NPC1: variants seen among roughly 807,000 people sequenced by gnomAD.
The protein encoded by NPC1 is NPC intracellular cholesterol transporter 1.
A neutral mutation model predicts 140.4 loss-of-function variants in NPC1; 85 were observed. That is an observed-to-expected ratio of 0.61 (90% confidence interval 0.51 to 0.72). The LOEUF (loss-of-function observed/expected upper bound fraction) is 0.72. Among genes scored for constraint, NPC1 ranks in the 30% least tolerant of loss-of-function variants. The pLI, the probability that NPC1 is intolerant of heterozygous loss-of-function variation, is 0.00. For missense variants in NPC1, 1,504 were observed against 1,623.8 expected, an observed-to-expected ratio of 0.93 and a Z score of 1.27; for synonymous variants, 656 against 624.8, an observed-to-expected ratio of 1.05 and a Z score of -0.74.
At chr18:23,538,929 G>C (rs1323197141) in intron 19 of NPC1, 1 of 512,006 alleles carries the variant, frequency 2.0e-6, no homozygotes, top group East Asian at 3.7e-5. Flanking sequence ...CCTCCTTCAA[G>C]TATGGCCTTG....
intron 4 of NPC1, among the ~76,000 whole-genome samples, chr18:23,567,182 T>C (rs1324612820): frequency 6.6e-6 from 1 of 152,226 alleles, no homozygotes; most frequent in East Asian, 1.9e-4. Flanking sequence ...TTTTAACTCA[T>C]TTGGGTAAAT....
chr18:23,548,325 C>CA (rs1668416321), intron 10 of NPC1, among the ~76,000 whole-genome samples: 2 of 148,112 alleles, frequency 1.4e-5, no homozygotes, highest in Non-Finnish European at 3.0e-5. Context: ...GGTTATCATT[C>CA]AGGAAGAGTA....
intron 9 of NPC1, 28 bp from the exon 10 acceptor site, chr18:23,551,755 C>T (rs752138273): frequency 6.8e-7 from 1 of 1,471,110 alleles, no homozygotes; most frequent in East Asian, 2.3e-5. Context: ...AAACACCTCC[C>T]AGTTAGAAGG....
intron 3 of NPC1, among the ~76,000 whole-genome samples, chr18:23,570,535 G>A (rs1005075753): frequency 2.0e-5 from 3 of 152,176 alleles, no homozygotes; most frequent in African/African-American, 7.2e-5. Context: ...TTAACTTTTG[G>A]TAAGAAGCAG....
rs529194206 is a variant in NPC1 at position 23,582,655 on chromosome 18, T to A, written c.57+3632A>T. ...CCTTCTCTACTAAAAATACAAAAAA[T>A]TAGCAGGGCATGATGGTGCACACCT... On this transcript the variant is annotated intron_variant, in intron 1 of 24. Transcript: ENST00000269228. Among the ~76,000 whole-genome samples the A allele has an allele frequency of 1.5e-4, 22 of 151,710 alleles. 1 individual carries two copies. The South Asian group carries it at 4.6e-3, about 32-fold the overall frequency.
intron 3 of NPC1, among the ~76,000 whole-genome samples, chr18:23,570,342 G>A (rs532683502): frequency 2.0e-4 from 31 of 152,248 alleles, no homozygotes; most frequent in African/African-American, 7.0e-4. Context: ...GTTTATGTCC[G>A]TATGTCCATA....
chr18:23,528,158 T>C, downstream of NPC1: 1 of 363,728 alleles, frequency 2.7e-6, no homozygotes, highest in Non-Finnish European at 5.0e-6. Flanking sequence ...GTGTTTGATC[T>C]TGCCTGTAGA....
exon 2 of NPC1, chr18:23,522,698 A>AG (rs1490620191): frequency 6.6e-6 from 1 of 152,298 alleles, no homozygotes; most frequent in African/African-American, 2.4e-5. Flanking sequence ...GCCTGGTCAC[A>AG]GTAACAGCCC....
chr18:23,533,595 C>T (rs1281138093), intron 23 of NPC1, 78 bp from the exon 24 acceptor site: 1 of 1,414,422 alleles, frequency 7.1e-7, no homozygotes, highest in Non-Finnish European at 1.0e-6. Flanking sequence ...ACAAGGATTT[C>T]TCCCAGGTTC....
intron 2 of NPC1, among the ~76,000 whole-genome samples, chr18:23,572,935 T>A (rs1348195437): frequency 6.6e-6 from 1 of 152,192 alleles, no homozygotes; most frequent in African/African-American, 2.4e-5. Context: ...AAACCAGGCT[T>A]TTCACATGAT....
intron 19 of NPC1, 126 bp from the exon 20 acceptor site, chr18:23,538,797 G>T: frequency 1.0e-6 from 1 of 995,252 alleles, no homozygotes; most frequent in Non-Finnish European, 1.6e-6. Flanking sequence ...TTACTAGTGA[G>T]GGATAATCTT....
rs1304501892 is a variant in NPC1, at chr18:23,586,415, C to T, written c.-72G>A. On this transcript the variant is annotated 5_prime_UTR_variant, in exon 1 of 25. Transcript: ENST00000269228. The stretch of plus-strand genomic sequence containing the variant: ...GGGCTCCCCGGAGGCGGCTCTACTT[C>T]CCCGGGCTGTTTCAGCACCCCGCGC... 6 of 1,526,076 alleles carry T rather than the reference C, an allele frequency of 3.9e-6. No homozygotes were observed. The South Asian group carries it at 4.8e-5, about 12-fold the overall frequency. 94.5% of individuals were successfully genotyped at this position (1,526,076 alleles called of 1,614,324 possible). A position where few individuals can be genotyped will look rare whatever the true frequency, so the allele number is the denominator to read the frequency against.
rs1769877910 is a variant in NPC1, at chr18:23,516,646, T to C, written c.432-10004A>G. Among the ~76,000 whole-genome samples the C allele has an allele frequency of 2.0e-5, 3 of 152,200 alleles. No homozygotes were observed. In the South Asian group the frequency reaches 6.2e-4, roughly 31 times the overall value. On this transcript the variant is annotated intron_variant, in intron 3 of 3. Transcript: ENST00000591107. ...TTATCAGCTTTGTGATGCTAAGGAA[T>C]TCCTTTACCTTTCTAGCCTGATAAA...
At chr18:23,527,888 A>G (rs2058352785), downstream of NPC1, 2 of 1,613,890 alleles carry the variant, frequency 1.2e-6, no homozygotes, top group African/African-American at 1.3e-5. Context: ...GATGCCGAGC[A>G]GAGTTATGCG....
rs541716109 is a variant in NPC1, at chr18:23,544,048, C to A, written c.2130+296G>T. Reference sequence around the variant, plus strand: ...AAAATCTTTTCCAAAAGTGTGTTAGCCCTTCTTGTACACATGATACTATTT... The same window carrying A: ...AAAATCTTTTCCAAAAGTGTGTTAGACCTTCTTGTACACATGATACTATTT... On this transcript the variant is annotated intron_variant, in intron 13 of 24. Transcript: ENST00000269228. Among the ~76,000 whole-genome samples the A allele has an allele frequency of 2.0e-4, 31 of 152,210 alleles. 1 individual carries two copies. The East Asian group carries it at 3.9e-3, about 19-fold the overall frequency.
At chr18:23,533,215 AT>A in intron 24 of NPC1, 139 bp downstream of exon 24, 1 of 980,084 alleles carries the variant, frequency 1.0e-6, no homozygotes, top group Non-Finnish European at 1.5e-6. Context: ...TTTAGAAGAA[AT>A]TTTTTTACTC....
At chr18:23,559,841 C>T (rs1190892931) in intron 6 of NPC1, among the ~76,000 whole-genome samples, 3 of 151,976 alleles carry the variant, frequency 2.0e-5, no homozygotes, top group Non-Finnish European at 4.4e-5. Context: ...GCCTGTAATC[C>T]CAGCTACTCA....
chr18:23,563,524 T>C (rs892758957), intron 4 of NPC1, among the ~76,000 whole-genome samples: 3 of 152,066 alleles, frequency 2.0e-5, no homozygotes, highest in African/African-American at 7.2e-5. Context: ...CAGGCTCAAG[T>C]GATCCTCCCA....
intron 8 of NPC1, 91 bp downstream of exon 8, chr18:23,556,152 C>T (rs2058947008): frequency 4.3e-6 from 5 of 1,154,742 alleles, no homozygotes; most frequent in Non-Finnish European, 2.6e-6. Flanking sequence ...GACATTCAGC[C>T]CCAAATCCCC....
Sources: gnomAD v4.1 joint callset for allele counts (sites outside exome capture counted in the v4.1 genomes callset) on GRCh38, gnomAD v4.1.1 for gene constraint, MANE v1.5 for transcripts, NCBI Gene and HGNC (gene_info 2026-07-23, HGNC 2026-07-21) for gene names.